The following LDB3 variants were observed in gnomAD, a reference collection of about 807,000 sequenced individuals.
LDB3 encodes the protein LIM domain binding 3.
Under a neutral mutation model 69.0 loss-of-function variants are expected in LDB3, and 49 were observed. The observed-to-expected ratio is 0.71, with a 90% CI of 0.56 to 0.90. The LOEUF is 0.90. Ranked by LOEUF, LDB3 falls within the 40% of genes least tolerant of loss-of-function variation. The probability of loss-of-function intolerance (pLI) is 0.00; values close to 1 mark genes in which losing one functional copy is unlikely to be tolerated. For synonymous variants in LDB3, 387 were observed against 396.2 expected, an observed-to-expected ratio of 0.98 and a Z score of 0.28; for missense variants, 928 against 974.1, an observed-to-expected ratio of 0.95 and a Z score of 0.63.
chr10:86,710,821 C>A (rs918750074), intron 9 of LDB3, among the ~76,000 whole-genome samples: 1 of 152,194 alleles, frequency 6.6e-6, no homozygotes, highest in Non-Finnish European at 1.5e-5. Flanking sequence ...GCGGTCGAAG[C>A]GGCTTTTGCC....
At chr10:86,669,828 G>C (rs1844362063) in intron 2 of LDB3, among the ~76,000 whole-genome samples, 1 of 152,220 alleles carries the variant, frequency 6.6e-6, no homozygotes, top group South Asian at 2.1e-4. Context: ...AGGTAGGCAG[G>C]GGTATCTGGG....
rs766463668 is a variant in LDB3, at chr10:86,706,520, C to G, written c.897-11C>G. 1.9e-6 allele frequency: 3 copies of G among 1,611,556 alleles called. No homozygotes were observed. Among genetic ancestry groups the G allele is most frequent in the African/African-American group, 2.7e-5 (2 of 74,926 alleles). ...CCTTGACCTGTTGTCTTTTTGGTCC[C>G]GCCTCATCAGCACCCCTATTGAGCA... On this transcript the variant is annotated splice_polypyrimidine_tract_variant and intron_variant, in intron 7 of 13. Transcript: ENST00000361373.
At chr10:86,730,200 A>G (rs1847408040) in intron 13 of LDB3, among the ~76,000 whole-genome samples, 2 of 151,480 alleles carry the variant, frequency 1.3e-5, no homozygotes, top group African/African-American at 2.4e-5. Context: ...TTCCTCTCCA[A>G]CTCTCTTGGA....
chr10:86,700,693 G>GGGC lies in LDB3; in HGVS notation c.897-5837_897-5835dup, dbSNP rs143857175. On this transcript the variant is annotated intron_variant, in intron 7 of 13. Coordinates refer to ENST00000361373, the MANE Select transcript of LDB3 (RefSeq NM_007078.3). ...CTGGGCATTTAGGAAGGGCTAGGAAGGGCAGCAGCAGCCAAAAAGATCCCA... is the reference window on the plus strand; with the variant it reads ...CTGGGCATTTAGGAAGGGCTAGGAAGGGCGGCAGCAGCAGCCAAAAAGATCCCA... Among the ~76,000 whole-genome samples the GGGC allele has an allele frequency of 9.5e-3, 1,449 of 152,296 alleles. 24 individuals are homozygous for GGGC. The highest frequency in any genetic ancestry group is 0.033 in the African/African-American group (1,382 of 41,548).
intron 7 of LDB3, among the ~76,000 whole-genome samples, chr10:86,702,791 A>G (rs559226672): frequency 1.2e-4 from 19 of 152,278 alleles, no homozygotes; most frequent in African/African-American, 3.9e-4. Flanking sequence ...TAAGAGCCCA[A>G]GATCCTTCAA....
At chr10:86,704,577 AT>A (rs59411676) in intron 7 of LDB3, among the ~76,000 whole-genome samples, 397 of 111,540 alleles carry the variant, frequency 3.6e-3, no homozygotes, top group Non-Finnish European at 4.6e-3. Flanking sequence ...GCCCAGCTAA[AT>A]TTTTTTTTTT....
chr10:86,728,581 C>CTT (rs1554868869), intron 13 of LDB3, among the ~76,000 whole-genome samples: 1 of 97,526 alleles, frequency 1.0e-5, no homozygotes. Flanking sequence ...GAACATGGTT[C>CTT]TTTTGTTTTT....
intron 7 of LDB3, among the ~76,000 whole-genome samples, chr10:86,702,596 A>T (rs1353220622): frequency 6.6e-6 from 1 of 152,196 alleles, no homozygotes; most frequent in Non-Finnish European, 1.5e-5. Flanking sequence ...TTAGATGTTT[A>T]AACTGAATTA....
In LDB3 at chr10:86,681,580, G is replaced by C. The variant is rs200596619; in HGVS notation, c.466G>C (p.Ala156Pro). The change falls in exon 5 of 14, where the codon GCC becomes CCC. Residue 156 changes from alanine (A) to proline (P), a missense_variant. Ala to Pro is a conservative substitution (Grantham distance 27). Coordinates refer to ENST00000361373, the MANE Select transcript of LDB3 (RefSeq NM_007078.3). ...CCGGCCCTCCGCCTTCTCCTCACTC[G>C]CCGAGGCCTCTGACCCTGGCCCTCC... ...FSRPSAFSSLAEASDPGPPRA... is the reference protein window; with the variant it reads ...FSRPSAFSSLPEASDPGPPRA... 4 of 1,612,990 alleles carry C rather than the reference G, an allele frequency of 2.5e-6. No homozygotes were observed. Among genetic ancestry groups the C allele is most frequent in the Non-Finnish European group, 3.4e-6 (4 of 1,179,762 alleles).
chr10:86,718,489 A>G (rs144952875), intron 11 of LDB3, among the ~76,000 whole-genome samples: 5 of 152,280 alleles, frequency 3.3e-5, no homozygotes, highest in African/African-American at 9.6e-5. Context: ...CCCAGGTTTA[A>G]TGGGAGGATT....
intron 9 of LDB3, among the ~76,000 whole-genome samples, chr10:86,715,332 G>A (rs1040542463): frequency 2.6e-5 from 4 of 152,112 alleles, no homozygotes; most frequent in African/African-American, 9.7e-5. Flanking sequence ...GAGGCTTCTG[G>A]AACCTCACTC....
At chr10:86,727,090 G>A (rs765533056) in intron 13 of LDB3, among the ~76,000 whole-genome samples, 4 of 150,624 alleles carry the variant, frequency 2.7e-5, no homozygotes, top group African/African-American at 4.9e-5. Context: ...GCATGATCTC[G>A]GTTCATTGCA....
At chr10:86,674,373 C>CG (rs1211727287) in intron 2 of LDB3, among the ~76,000 whole-genome samples, 8 of 152,194 alleles carry the variant, frequency 5.3e-5, no homozygotes, top group African/African-American at 1.9e-4. Context: ...GCTGCCTCCC[C>CG]GCCCCCAGCC....
intron 5 of LDB3, among the ~76,000 whole-genome samples, chr10:86,682,499 G>A (rs960261424): frequency 2.0e-5 from 3 of 152,138 alleles, no homozygotes; most frequent in African/African-American, 7.2e-5. Flanking sequence ...CATGGGACTG[G>A]GGCACTGTAG....
At chr10:86,687,367 G>T (rs977651457) in intron 5 of LDB3, 5 of 1,249,162 alleles carry the variant, frequency 4.0e-6, no homozygotes, top group African/African-American at 1.5e-5. Flanking sequence ...CTTCCCTCAC[G>T]TTGGACCTCC....
chr10:86,671,826 T>C (rs1055772455), intron 2 of LDB3, among the ~76,000 whole-genome samples: 1 of 152,200 alleles, frequency 6.6e-6, no homozygotes, highest in Non-Finnish European at 1.5e-5. Context: ...AAAATGGGGA[T>C]AGCAGGCTGG....
intron 8 of LDB3, among the ~76,000 whole-genome samples, chr10:86,708,292 T>C (rs961164111): frequency 1.2e-4 from 19 of 152,196 alleles, no homozygotes; most frequent in African/African-American, 3.9e-4. Context: ...GTCACGGGTT[T>C]GCACTCTGAG....
At chr10:86,712,937 T>A (rs964910489) in intron 9 of LDB3, among the ~76,000 whole-genome samples, 1 of 151,944 alleles carries the variant, frequency 6.6e-6, no homozygotes, top group African/African-American at 2.4e-5. Context: ...GGCGGGCGCC[T>A]GTAGTCCCAG....
At chr10:86,682,863 T>C (rs976655156) in intron 5 of LDB3, among the ~76,000 whole-genome samples, 1 of 152,214 alleles carries the variant, frequency 6.6e-6, no homozygotes, top group Non-Finnish European at 1.5e-5. Flanking sequence ...CCCAAGCCCA[T>C]GCCCTTGCCT....
Sources: allele counts gnomAD v4.1 joint callset (sites outside exome capture counted in the v4.1 genomes callset), GRCh38; gene constraint gnomAD v4.1.1; transcripts MANE v1.5; gene names NCBI Gene and HGNC (gene_info 2026-07-23, HGNC 2026-07-21).